Variants in MAD2L2 observed in about 807,000 individuals in gnomAD.
The protein encoded by MAD2L2 is mitotic arrest deficient 2 like 2.
Under a neutral mutation model 30.5 loss-of-function variants are expected in MAD2L2, and 17 were observed. That is an observed-to-expected ratio of 0.56 (90% CI 0.38 to 0.84). MAD2L2 has a LOEUF of 0.84. Among genes scored for constraint, MAD2L2 ranks in the 40% least tolerant of loss-of-function variants. The pLI is 0.00. For synonymous variants in MAD2L2, 101 were observed against 113.9 expected (o/e 0.89, Z 0.72); for missense variants, 213 against 277.4 (o/e 0.77, Z 1.65).
chr1:11,676,202 G>T, intron 5 of MAD2L2, 62 bp from the exon 6 acceptor site: 2 of 1,132,616 alleles, frequency 1.8e-6, no homozygotes, highest in Non-Finnish European at 1.3e-6. Context: ...CAGGCATCAA[G>T]CCTGGATGCA....
Position 11,688,330 on chromosome 1 carries a change from C to G in MAD2L2, c.-692+3083G>C, listed in dbSNP as rs1190911272. On this transcript the variant is annotated intron_variant, in intron 1 of 10. Coordinates refer to the MAD2L2 transcript ENST00000235310. This position sits in a 1 kb window ranked among gnomAD's most constrained non-coding sequence, Gnocchi z 4.6. The stretch of plus-strand genomic sequence containing the variant: ...ATCCCAGAACTTTGGGAGGCCGAGG[C>G]TGGCGAATCACCTGAGGTCAGGATA... Among the ~76,000 whole-genome samples the G allele has an allele frequency of 6.6e-6, 1 of 152,192 alleles. No homozygotes were observed. Among genetic ancestry groups the G allele is most frequent in the Non-Finnish European group, 1.5e-5 (1 of 68,036 alleles).
intron 3 of MAD2L2, among the ~76,000 whole-genome samples, chr1:11,679,337 CTTCCAGAGACAGGCACTT>C: frequency 6.6e-6 from 1 of 152,270 alleles, no homozygotes; most frequent in African/African-American, 2.4e-5. Context: ...TCCTGAGTGC[CTTCCAGAGACAGGCACTT>C]CTAGGGACTG....
In MAD2L2 at chr1:11,690,799, T is replaced by C. The variant is rs1641047932; in HGVS notation, c.-692+614A>G. Among the ~76,000 whole-genome samples, 1 of 151,456 alleles carries C rather than the reference T, an allele frequency of 6.6e-6. No individual in the cohort carries two copies. Among genetic ancestry groups the C allele is most frequent in the Non-Finnish European group, 1.5e-5 (1 of 67,876 alleles). ...ACCCAGCATTCTCAGACTCCCAGGG[T>C]CGTCAGGACACGGCGCCCCGCGCGG... On this transcript the variant is annotated intron_variant, in intron 1 of 10. Coordinates refer to the MAD2L2 transcript ENST00000235310. This position sits in a 1 kb window ranked among gnomAD's most constrained non-coding sequence, Gnocchi z 4.2.
rs911763896 is a variant in MAD2L2, at chr1:11,674,721, G to A, written c.*54C>T. On this transcript the variant is annotated 3_prime_UTR_variant, in exon 9 of 9. Coordinates refer to ENST00000376692, the MANE Select transcript of MAD2L2 (RefSeq NM_006341.4). The surrounding 1 kb of genome is among the most constrained non-coding windows in gnomAD (Gnocchi z 6.1). Reference sequence around the variant, plus strand: ...GCAGCCATGCAGCACTGCCCTAGGCGGGGATCCCCCAAAGTCTGACAGTTT... The same window carrying A: ...GCAGCCATGCAGCACTGCCCTAGGCAGGGATCCCCCAAAGTCTGACAGTTT... 1.8e-5 allele frequency: 29 copies of A among 1,587,646 alleles called. No individual in the cohort carries two copies. The highest frequency in any genetic ancestry group is 1.5e-4 in the African/African-American group (11 of 74,470).
rs961899634 is a variant in MAD2L2 at position 11,680,587 on chromosome 1, T to C, written c.15A>G (p.Thr5=). Residue 5 remains threonine, a synonymous_variant, in exon 2 of 9, where the codon ACA becomes ACG. Coordinates refer to ENST00000376692, the MANE Select transcript of MAD2L2 (RefSeq NM_006341.4). The part of the protein sequence containing the change: MTTL[T]RQDLNFGQVV... ...CTTGGCCAAAGTTGAGGTCTTGTCG[T>C]GTGAGCGTGGTCATCCTTCCCGCTA... The C allele has an allele frequency of 1.9e-6, 3 of 1,581,812 alleles. No homozygotes were observed. The African/African-American group carries it at 4.1e-5, about 21-fold the overall frequency.
rs1641034010 is a variant in MAD2L2, at chr1:11,690,093, G to A, written c.-692+1320C>T. On this transcript the variant is annotated intron_variant, in intron 1 of 10. Coordinates refer to the MAD2L2 transcript ENST00000235310. This position sits in a 1 kb window ranked among gnomAD's most constrained non-coding sequence, Gnocchi z 4.2. The stretch of plus-strand genomic sequence containing the variant: ...ACAACACCTCGTCCCTTCATGCTTT[G>A]TCTGTAATGTGCTTTACTTTTCTTC... Among the ~76,000 whole-genome samples the A allele has an allele frequency of 6.6e-6, 1 of 152,028 alleles. No homozygotes were observed. The highest frequency in any genetic ancestry group is 1.5e-5 in the Non-Finnish European group (1 of 68,004).
upstream of MAD2L2, among the ~76,000 whole-genome samples, chr1:11,684,220 C>T (rs1171459371): frequency 2.0e-5 from 3 of 152,178 alleles, no homozygotes; most frequent in Non-Finnish European, 2.9e-5. Flanking sequence ...ATCCGGGGAG[C>T]TCTGCCAACA....
Position 11,674,985 on chromosome 1 carries a change from G to T in MAD2L2, c.594+97C>A. The T allele has an allele frequency of 7.8e-7, 1 of 1,283,736 alleles. No individual in the cohort carries two copies. Among genetic ancestry groups the T allele is most frequent in the Non-Finnish European group, 1.1e-6 (1 of 906,354 alleles). The allele number at this position is 1,283,736 out of a possible 1,614,324, so 79.5% of individuals were successfully genotyped here. A position where few individuals can be genotyped will look rare whatever the true frequency, so the allele number is the denominator to read the frequency against. On this transcript the variant is annotated intron_variant, in intron 8 of 8. Coordinates refer to ENST00000376692, the MANE Select transcript of MAD2L2 (RefSeq NM_006341.4). This position sits in a 1 kb window ranked among gnomAD's most constrained non-coding sequence, Gnocchi z 6.1. ...GGAGCCCTCCACCAGGCACTCCCCC[G>T]TTCTCTCCCGCAAGCCCTCTAGTAA...
intron 3 of MAD2L2, among the ~76,000 whole-genome samples, chr1:11,679,053 A>G (rs1177463239): frequency 2.0e-5 from 3 of 152,164 alleles, no homozygotes; most frequent in African/African-American, 7.2e-5. Context: ...AATCCCAGCT[A>G]CTCGGGAGGC....
chr1:11,677,473 T>TG, intron 4 of MAD2L2, 70 bp downstream of exon 4: 1 of 1,432,588 alleles, frequency 7.0e-7, no homozygotes, highest in Non-Finnish European at 9.8e-7. Flanking sequence ...ATCCCAGAGT[T>TG]GGACTGTGAG....
At chr1:11,679,109 A>T (rs1033168614) in intron 3 of MAD2L2, among the ~76,000 whole-genome samples, 2 of 152,242 alleles carry the variant, frequency 1.3e-5, no homozygotes, top group Non-Finnish European at 2.9e-5. Context: ...GGTTGCAGTG[A>T]GCCAAGATCA....
At chr1:11,677,469 G>A (rs1640789888) in intron 4 of MAD2L2, 74 bp downstream of exon 4, 1 of 1,405,226 alleles carries the variant, frequency 7.1e-7, no homozygotes, top group Non-Finnish European at 1.0e-6. Context: ...CCCCATCCCA[G>A]AGTTGGACTG....
intron 1 of MAD2L2, among the ~76,000 whole-genome samples, chr1:11,691,246 G>A (rs1309981262): frequency 1.3e-5 from 2 of 152,060 alleles, no homozygotes; most frequent in Non-Finnish European, 2.9e-5. Context: ...GACAGACGCG[G>A]CCGCAGCTGA....
chr1:11,689,167 T>G (rs969582388), intron 1 of MAD2L2, among the ~76,000 whole-genome samples: 2 of 151,650 alleles, frequency 1.3e-5, no homozygotes, highest in Non-Finnish European at 2.9e-5. Context: ...CATGGCGGTG[T>G]GTGCCTGTAA....
chr1:11,674,548 G>C lies in MAD2L2; in HGVS notation c.*227C>G, dbSNP rs1640722433. 1.8e-6 allele frequency: 1 copy of C among 552,996 alleles called. No homozygotes were observed. The highest frequency in any genetic ancestry group is 3.3e-6 in the Non-Finnish European group (1 of 306,896). 34.3% of individuals were successfully genotyped at this position (552,996 alleles called of 1,614,324 possible). On this transcript the variant is annotated 3_prime_UTR_variant, in exon 9 of 9. Transcript: ENST00000376692. This position sits in a 1 kb window ranked among gnomAD's most constrained non-coding sequence, Gnocchi z 6.1. The stretch of plus-strand genomic sequence containing the variant: ...ACAGTATTTGAGACAGACAGTGTTG[G>C]CCGGCGGAACCCCAGGAGGCTGAGA...
chr1:11,677,047 C>T, intron 4 of MAD2L2, 99 bp from the exon 5 acceptor site: 3 of 900,398 alleles, frequency 3.3e-6, no homozygotes, highest in Non-Finnish European at 5.5e-6. Flanking sequence ...AGAAACGGCC[C>T]ACTCACAGCC....
At chr1:11,679,675 TACC>T (rs1640833062) in intron 3 of MAD2L2, among the ~76,000 whole-genome samples, 1 of 151,866 alleles carries the variant, frequency 6.6e-6, no homozygotes, top group South Asian at 2.1e-4. Flanking sequence ...TACAGGCGCG[TACC>T]ACCACACCAG....
At chr1:11,686,247 G>A (rs1031774450) in intron 1 of MAD2L2, among the ~76,000 whole-genome samples, 3 of 152,124 alleles carry the variant, frequency 2.0e-5, no homozygotes, top group Non-Finnish European at 4.4e-5. Context: ...GCTCCTCTCC[G>A]CTCTCATCTG....
chr1:11,679,477 C>G (rs1192095132), intron 3 of MAD2L2, among the ~76,000 whole-genome samples: 6 of 152,108 alleles, frequency 3.9e-5, no homozygotes, highest in Admixed American at 2.0e-4. Flanking sequence ...CCTCCTCACA[C>G]CAAGGTTCAC....
Sources: gnomAD v4.1 joint callset for allele counts (sites outside exome capture counted in the v4.1 genomes callset) on GRCh38, gnomAD v4.1.1 for gene constraint, Gnocchi (gnomAD v3.1) non-coding constraint, MANE v1.5 for transcripts, NCBI Gene and HGNC (gene_info 2026-07-23, HGNC 2026-07-21) for gene names.